Variants in HDAC9 observed in about 807,000 individuals in gnomAD.
The protein encoded by HDAC9 is MEF-2 interacting transcription repressor (MITR) protein.
In HDAC9, 41 loss-of-function variants were observed where a neutral mutation model predicts 139.4. That is an observed-to-expected ratio of 0.29 (90% CI 0.23 to 0.38). The LOEUF (loss-of-function observed/expected upper bound fraction) is 0.38. Ranked by LOEUF, HDAC9 falls within the 10% of genes least tolerant of loss-of-function variation. The pLI is 1.00. For missense variants in HDAC9, 1,147 were observed against 1,297.0 expected (o/e 0.88, Z 1.78); for synonymous variants, 517 against 476.2 (o/e 1.09, Z -1.12).
At chr7:18,929,875 G>T (rs1233189432) in intron 22 of HDAC9, among the ~76,000 whole-genome samples, 8 of 151,956 alleles carry the variant, frequency 5.3e-5, no homozygotes, top group Non-Finnish European at 1.0e-4. Flanking sequence ...GGAGGTGGAG[G>T]TTGCAGTGAG....
chr7:18,621,120 G>T (rs886163092), intron 6 of HDAC9, among the ~76,000 whole-genome samples: 1 of 151,906 alleles, frequency 6.6e-6, no homozygotes, highest in African/African-American at 2.4e-5. Context: ...ATATATAATT[G>T]CTTGGGGAAA....
intron 1 of HDAC9, among the ~76,000 whole-genome samples, chr7:18,310,166 G>A (rs1257561320): frequency 2.6e-5 from 4 of 151,970 alleles, no homozygotes; most frequent in Non-Finnish European, 1.5e-5. Context: ...CTGTGGTGGG[G>A]GGGTGGGGTT....
intron 16 of HDAC9, among the ~76,000 whole-genome samples, chr7:18,772,099 G>T (rs1362840456): frequency 6.6e-6 from 1 of 152,108 alleles, no homozygotes; most frequent in Non-Finnish European, 1.5e-5. Context: ...CACAGAGAAG[G>T]AAGCTTTTAA....
At chr7:18,522,575 A>G (rs1805401611) in intron 2 of HDAC9, among the ~76,000 whole-genome samples, 2 of 152,078 alleles carry the variant, frequency 1.3e-5, no homozygotes, top group Non-Finnish European at 2.9e-5. Context: ...CTGAAAAAAA[A>G]AAAGCAGGGT....
chr7:18,724,998 A>G (rs1484965281), intron 12 of HDAC9, among the ~76,000 whole-genome samples: 1 of 152,162 alleles, frequency 6.6e-6, no homozygotes, highest in Non-Finnish European at 1.5e-5. Context: ...ACCTTAGAGG[A>G]TGTGTGTAGT....
Position 18,921,841 on chromosome 7 carries a change from A to G in HDAC9, c.2804-13968A>G, listed in dbSNP as rs1012392926. 3.3e-5 allele frequency among the ~76,000 whole-genome samples: 5 copies of G among 152,240 alleles called. No individual in the cohort carries two copies. The East Asian group carries it at 5.8e-4, about 18-fold the overall frequency. ...TTGGAACCAACCCAAATGTCCAACA[A>G]TGATAGACTGGATTAAGAAAATGTG... On this transcript the variant is annotated intron_variant, in intron 22 of 25. Transcript: ENST00000686413.
intron 21 of HDAC9, among the ~76,000 whole-genome samples, chr7:18,847,206 C>T (rs1796966919): frequency 6.6e-6 from 1 of 152,154 alleles, no homozygotes; most frequent in Non-Finnish European, 1.5e-5. Context: ...AAGGCAAAAA[C>T]TTCACTTTGA....
chr7:18,787,923 A>G (rs1023717323), intron 16 of HDAC9, among the ~76,000 whole-genome samples: 3 of 152,136 alleles, frequency 2.0e-5, no homozygotes, highest in Non-Finnish European at 2.9e-5. Context: ...TCTTTTCAAG[A>G]TCACCTTATT....
chr7:18,124,746 GC>G (rs1011150632), intron 1 of HDAC9, among the ~76,000 whole-genome samples: 2 of 151,992 alleles, frequency 1.3e-5, no homozygotes, highest in African/African-American at 4.8e-5. Context: ...CATTTGCCTT[GC>G]CCCCAGCTGC....
intron 2 of HDAC9, among the ~76,000 whole-genome samples, chr7:18,564,411 A>C (rs1821615129): frequency 6.6e-6 from 1 of 152,164 alleles, no homozygotes. Flanking sequence ...TATTTCTATT[A>C]AGCTTCCAAG....
intron 2 of HDAC9, among the ~76,000 whole-genome samples, chr7:18,174,155 C>CT (rs889338927): frequency 7.2e-5 from 11 of 152,116 alleles, no homozygotes; most frequent in African/African-American, 2.4e-4. Context: ...TCTTTTTACT[C>CT]TTTTTTTCTG....
chr7:18,794,553 A>C (rs17139975), intron 17 of HDAC9, among the ~76,000 whole-genome samples: 2 of 152,218 alleles, frequency 1.3e-5, no homozygotes, highest in South Asian at 4.1e-4. Context: ...TATATTTGAC[A>C]TAAGTAGTAT....
intron 1 of HDAC9, among the ~76,000 whole-genome samples, chr7:18,113,466 T>A (rs1044314030): frequency 8.5e-5 from 13 of 152,224 alleles, no homozygotes; most frequent in African/African-American, 2.9e-4. Flanking sequence ...GGACACGGAT[T>A]AAGTTTCTAC....
rs1170444098 is a variant in HDAC9, at chr7:18,997,943, C to A, written c.*1881C>A. 1 of 152,104 alleles carries A rather than the reference C, an allele frequency of 6.6e-6. No individual in the cohort carries two copies. Among genetic ancestry groups the A allele is most frequent in the African/African-American group, 2.4e-5 (1 of 41,438 alleles). The allele number at this position is 152,104 out of a possible 1,614,324, so 9.4% of individuals were successfully genotyped here. On this transcript the variant is annotated 3_prime_UTR_variant, in exon 26 of 26. Transcript: ENST00000686413. The stretch of plus-strand genomic sequence containing the variant: ...CTTAGTATTAGGTAAAAATTGCTTT[C>A]ATTGCGTAAGGGCAAATTCAGTCTA...
At chr7:18,789,862 A>G (rs1792149550) in intron 16 of HDAC9, among the ~76,000 whole-genome samples, 1 of 152,102 alleles carries the variant, frequency 6.6e-6, no homozygotes, top group Admixed American at 6.6e-5. Context: ...TACTGTCAAG[A>G]TGTTCTTCAG....
At chr7:18,316,740 C>T (rs1404299777) in intron 1 of HDAC9, among the ~76,000 whole-genome samples, 3 of 151,822 alleles carry the variant, frequency 2.0e-5, no homozygotes, top group Admixed American at 2.0e-4. Flanking sequence ...TCGCTTGAGC[C>T]CAGGAGTTGG....
At chr7:18,971,603 G>A (rs1282414349) in intron 24 of HDAC9, among the ~76,000 whole-genome samples, 1 of 152,122 alleles carries the variant, frequency 6.6e-6, no homozygotes, top group African/African-American at 2.4e-5. Context: ...TTGCACAGAC[G>A]GTGCTGTACC....
intron 13 of HDAC9, among the ~76,000 whole-genome samples, chr7:18,741,715 G>C (rs1028746319): frequency 9.2e-5 from 14 of 152,126 alleles, no homozygotes; most frequent in African/African-American, 2.9e-4. Flanking sequence ...CCCTTGATGG[G>C]TCTGAGCAAT....
intron 24 of HDAC9, among the ~76,000 whole-genome samples, chr7:18,963,307 A>C (rs12539764): frequency 0.32 from 49,402 of 152,130 alleles, 8,527 homozygotes; most frequent in Non-Finnish European, 0.39. Context: ...TAGATACTAA[A>C]GAGTTTTGAT....
Sources: gnomAD v4.1 joint callset for allele counts (sites outside exome capture counted in the v4.1 genomes callset) on GRCh38, gnomAD v4.1.1 for gene constraint, MANE v1.5 for transcripts, NCBI Gene and HGNC (gene_info 2026-07-23, HGNC 2026-07-21) for gene names.